The following COA1 variants were observed in gnomAD, a reference collection of about 807,000 sequenced individuals.
The protein encoded by COA1 is cytochrome c oxidase assembly factor 1, also known as cytochrome c oxidase assembly factor 1 homolog.
Under a neutral mutation model 16.0 loss-of-function variants are expected in COA1, and 13 were observed. The ratio of observed to expected loss-of-function variants is 0.81; its 90% CI spans 0.53 to 1.29. COA1 has a LOEUF of 1.29. Among genes scored for constraint, COA1 ranks in the 50% most tolerant of loss-of-function variants. The pLI, the probability that COA1 is intolerant of heterozygous loss-of-function variation, is 0.00. For missense variants in COA1, 179 were observed against 177.0 expected (o/e 1.01, Z -0.06); for synonymous variants, 65 against 65.7 (o/e 0.99, Z 0.05).
chr7:43,673,513 G>A (rs886992263), intron 1 of COA1, among the ~76,000 whole-genome samples: 26 of 152,308 alleles, frequency 1.7e-4, no homozygotes, highest in Non-Finnish European at 2.9e-4. Context: ...GCAAGGTTGC[G>A]GAGAAAAGGG....
chr7:43,643,298 C>T (rs185664201), intron 4 of COA1, among the ~76,000 whole-genome samples: 5 of 152,340 alleles, frequency 3.3e-5, no homozygotes, highest in East Asian at 3.9e-4. Flanking sequence ...CCAGCAAAGG[C>T]GCCTTTGGCA....
At chr7:43,657,676 A>G (rs1019549327) in intron 1 of COA1, among the ~76,000 whole-genome samples, 3 of 151,270 alleles carry the variant, frequency 2.0e-5, no homozygotes, top group African/African-American at 4.9e-5. Context: ...TCAGTTAGTA[A>G]TAAGTACTTT....
At chr7:43,654,101 C>G (rs1228459153) in intron 1 of COA1, among the ~76,000 whole-genome samples, 1 of 152,146 alleles carries the variant, frequency 6.6e-6, no homozygotes, top group African/African-American at 2.4e-5. Context: ...TGAACCCTGG[C>G]AGAGATGGCC....
intron 1 of COA1, among the ~76,000 whole-genome samples, chr7:43,708,865 G>C (rs534445945): frequency 7.9e-5 from 12 of 151,974 alleles, no homozygotes; most frequent in Non-Finnish European, 1.0e-4. Context: ...TCTTTGGCTT[G>C]CCTTTCACTC....
chr7:43,687,246 T>C (rs1466622361), intron 1 of COA1, among the ~76,000 whole-genome samples: 1 of 152,194 alleles, frequency 6.6e-6, no homozygotes, highest in African/African-American at 2.4e-5. Flanking sequence ...TCCAACTTGT[T>C]TGCCAACATC....
chr7:43,612,205 A>G (rs1027017582), intron 6 of COA1, among the ~76,000 whole-genome samples: 1 of 152,226 alleles, frequency 6.6e-6, no homozygotes, highest in Non-Finnish European at 1.5e-5. Context: ...AGGAACTAGA[A>G]GACAAAGTGG....
intron 3 of COA1, chr7:43,645,907 C>T (rs2089158983): frequency 6.5e-6 from 1 of 153,928 alleles, no homozygotes; most frequent in African/African-American, 2.4e-5. Flanking sequence ...ACAAAACCCT[C>T]AGGCCTAGAA....
chr7:43,676,616 T>C (rs1284956633), intron 1 of COA1, among the ~76,000 whole-genome samples: 2 of 152,130 alleles, frequency 1.3e-5, no homozygotes, highest in South Asian at 2.1e-4. Flanking sequence ...AGGATGATTA[T>C]AGGTAACATA....
chr7:43,695,714 A>G (rs1244875527), intron 1 of COA1, among the ~76,000 whole-genome samples: 1 of 150,858 alleles, frequency 6.6e-6, no homozygotes, highest in Admixed American at 7.1e-5. Context: ...GGTAAAACCA[A>G]GAGTGACCAA....
At chr7:43,668,173 C>A (rs1406170797) in intron 1 of COA1, among the ~76,000 whole-genome samples, 1 of 152,198 alleles carries the variant, frequency 6.6e-6, no homozygotes, top group East Asian at 1.9e-4. Context: ...TCTACACAGT[C>A]CATGAACAGA....
chr7:43,646,688 A>G, intron 3 of COA1: 1 of 452,248 alleles, frequency 2.2e-6, no homozygotes, highest in South Asian at 1.6e-5. Context: ...AGAGGAGGCC[A>G]AATTATTCAG....
chr7:43,650,714 T>C (rs1036382046), intron 1 of COA1: 5 of 151,818 alleles, frequency 3.3e-5, no homozygotes, highest in African/African-American at 1.2e-4. Context: ...GCAAACATCC[T>C]GTATTAAAAA....
chr7:43,702,249 T>G (rs1259525867), intron 1 of COA1, among the ~76,000 whole-genome samples: 1 of 152,156 alleles, frequency 6.6e-6, no homozygotes, highest in African/African-American at 2.4e-5. Flanking sequence ...ATTTAAGTCT[T>G]TAATCCATCT....
At chr7:43,658,153 G>A (rs1584546255) in intron 1 of COA1, among the ~76,000 whole-genome samples, 2 of 152,106 alleles carry the variant, frequency 1.3e-5, no homozygotes, top group East Asian at 3.8e-4. Flanking sequence ...GAGGCGGGTG[G>A]ATCACGGGGT....
chr7:43,620,887 A>T (rs2083818803), intron 6 of COA1, among the ~76,000 whole-genome samples: 1 of 152,104 alleles, frequency 6.6e-6, no homozygotes, highest in Non-Finnish European at 1.5e-5. Context: ...CGTGGCAGGA[A>T]TGGAGAAGGC....
chr7:43,643,802 C>T (rs1344442553), intron 4 of COA1, among the ~76,000 whole-genome samples: 1 of 152,346 alleles, frequency 6.6e-6, no homozygotes, highest in South Asian at 2.1e-4. Flanking sequence ...TACACAAATC[C>T]ACCTTCTTTT....
At chr7:43,640,548 C>T (rs765199912) in intron 5 of COA1, 25 bp downstream of exon 5, 4 of 1,552,174 alleles carry the variant, frequency 2.6e-6, no homozygotes, top group African/African-American at 2.7e-5. Flanking sequence ...CCCGCTCCCC[C>T]ACTGCCGTCA....
At chr7:43,647,852 G>A (rs2089845018) in intron 2 of COA1, 1 of 554,594 alleles carries the variant, frequency 1.8e-6, no homozygotes, top group Non-Finnish European at 3.2e-6. Context: ...CCCATGTCCA[G>A]GACCCATGCT....
chr7:43,625,753 C>CAGAGAGAGAGAGAGAGAGAGAGAGAGAG (rs3832501), intron 6 of COA1: 1 of 149,584 alleles, frequency 6.7e-6, no homozygotes, highest in Non-Finnish European at 1.5e-5. Flanking sequence ...TCCCCTAGAG[C>CAGAGAGAGAGAGAGAGAGAGAGAGAGAG]AGAGAGAGAG....
Sources: allele counts gnomAD v4.1 joint callset (sites outside exome capture counted in the v4.1 genomes callset), GRCh38; gene constraint gnomAD v4.1.1; transcripts MANE v1.5; gene names NCBI Gene and HGNC (gene_info 2026-07-23, HGNC 2026-07-21).